SYNJ2: variants seen among roughly 807,000 people sequenced by gnomAD.
SYNJ2 encodes polyphosphatidylinositol phosphatase SYNJ2.
SYNJ2 carries 116 observed loss-of-function variants against 141.3 expected under a neutral mutation model. The observed-to-expected ratio is 0.82, with a 90% confidence interval of 0.71 to 0.96. The LOEUF (loss-of-function observed/expected upper bound fraction) is 0.96. Ranked by LOEUF, SYNJ2 falls within the 40% of genes least tolerant of loss-of-function variation. The probability of loss-of-function intolerance (pLI) is 0.00; values close to 1 mark genes in which losing one functional copy is unlikely to be tolerated. For synonymous variants in SYNJ2, 745 were observed against 777.7 expected (o/e 0.96, Z 0.70); for missense variants, 1,873 against 1,934.8 (o/e 0.97, Z 0.60).
At chr6:158,055,652 TTAATC>T (rs1780826947) in intron 6 of SYNJ2, among the ~76,000 whole-genome samples, 2 of 152,190 alleles carry the variant, frequency 1.3e-5, no homozygotes, top group African/African-American at 4.8e-5. Flanking sequence ...ATTTGCTTAT[TTAATC>T]TAAATACTCA....
intron 5 of SYNJ2, among the ~76,000 whole-genome samples, chr6:158,051,573 C>A (rs372126642): frequency 6.6e-6 from 1 of 151,934 alleles, no homozygotes; most frequent in East Asian, 1.9e-4. Context: ...AGCCAAGATA[C>A]CTCATTTTGC....
intron 4 of SYNJ2, among the ~76,000 whole-genome samples, chr6:158,041,809 GGT>G (rs1470812285): frequency 2.6e-5 from 4 of 152,208 alleles, no homozygotes; most frequent in Non-Finnish European, 5.9e-5. Flanking sequence ...CCTGGGCTCA[GGT>G]GATCTTCTTG....
chr6:158,052,533 G>A (rs917620629), intron 5 of SYNJ2, among the ~76,000 whole-genome samples: 2 of 152,224 alleles, frequency 1.3e-5, no homozygotes, highest in Admixed American at 1.3e-4. Context: ...TACAGTCATG[G>A]TGGAAGAGGA....
chr6:158,081,429 C>T lies in SYNJ2; in HGVS notation c.2787-3C>T. 1 of 1,613,896 alleles carries T rather than the reference C, an allele frequency of 6.2e-7. No homozygotes were observed. The highest frequency in any genetic ancestry group is 1.1e-5 in the South Asian group (1 of 91,054). On this transcript the variant is annotated splice_region_variant and splice_polypyrimidine_tract_variant and intron_variant, in intron 19 of 26. Coordinates refer to ENST00000355585, the MANE Select transcript of SYNJ2 (RefSeq NM_003898.4). ...CATTGACTTGGAGTATCATTTATTC[C>T]AGGATCAACCAAGGGCAGATGCTGG...
At chr6:158,055,172 C>A in intron 6 of SYNJ2, 144 bp downstream of exon 6, 2 of 782,484 alleles carry the variant, frequency 2.6e-6, no homozygotes, top group African/African-American at 1.8e-5. Flanking sequence ...GTCCTTTATG[C>A]AAGAAGGGAG....
At chr6:158,091,650 T>C (rs1219634939) in intron 25 of SYNJ2, among the ~76,000 whole-genome samples, 8 of 150,938 alleles carry the variant, frequency 5.3e-5, no homozygotes, top group Non-Finnish European at 1.2e-4. Context: ...CTCGGGAGGC[T>C]GAGGCAGAAG....
intron 16 of SYNJ2, among the ~76,000 whole-genome samples, chr6:158,075,076 C>T (rs7753838): frequency 0.71 from 107,178 of 151,446 alleles, 38,187 homozygotes; most frequent in East Asian, 0.88. Flanking sequence ...CGATTACAGG[C>T]GTGTGCCGCC....
In SYNJ2 at chr6:158,043,117, G is replaced by A. The variant is rs374896076; in HGVS notation, c.712-199G>A. On this transcript the variant is annotated intron_variant, in intron 4 of 26. Transcript: ENST00000355585. This position sits in a 1 kb window ranked among gnomAD's most constrained non-coding sequence, Gnocchi z 4.0. ...CAGACCCCCTCCTCAGAGGCTGGTC[G>A]ACAGCCAGCATGCCCGCCCAGTACC... Among the ~76,000 whole-genome samples the A allele has an allele frequency of 9.1e-4, 139 of 152,256 alleles. No individual in the cohort carries two copies. The highest frequency in any genetic ancestry group is 3.4e-3 in the Middle Eastern group (1 of 294).
At chr6:157,983,254 G>T (rs1290609600) in intron 1 of SYNJ2, among the ~76,000 whole-genome samples, 1 of 152,212 alleles carries the variant, frequency 6.6e-6, no homozygotes, top group Non-Finnish European at 1.5e-5. Flanking sequence ...TATCCAGCTT[G>T]TTCTCAGTCA....
intron 1 of SYNJ2, among the ~76,000 whole-genome samples, chr6:157,990,667 C>T (rs1728191378): frequency 6.6e-6 from 1 of 152,184 alleles, no homozygotes; most frequent in South Asian, 2.1e-4. Context: ...GCAAAATGGC[C>T]AAATTTAAGG....
chr6:157,991,466 G>A (rs10455935), intron 1 of SYNJ2, among the ~76,000 whole-genome samples: 77,082 of 151,938 alleles, frequency 0.51, 21,016 homozygotes, highest in African/African-American at 0.72. Flanking sequence ...AGCTTGGGAG[G>A]GAGGAGACCT....
intron 4 of SYNJ2, among the ~76,000 whole-genome samples, chr6:158,036,842 G>C (rs1779664135): frequency 1.3e-5 from 2 of 152,168 alleles, no homozygotes; most frequent in South Asian, 4.1e-4. Flanking sequence ...CCAGCTGGGT[G>C]GTTTTCTCTT....
At chr6:158,044,454 G>A (rs995176098) in intron 5 of SYNJ2, among the ~76,000 whole-genome samples, 1 of 152,180 alleles carries the variant, frequency 6.6e-6, no homozygotes, top group Admixed American at 6.5e-5. Flanking sequence ...CTCTGGTAGG[G>A]AGAAAAGTCT....
chr6:158,057,570 A>T (rs984599579), intron 6 of SYNJ2, among the ~76,000 whole-genome samples: 1 of 152,352 alleles, frequency 6.6e-6, no homozygotes, highest in Admixed American at 6.5e-5. Flanking sequence ...TCATTTGATC[A>T]GGGGAGTTTG....
At position 158,070,352 on chromosome 6, in the gene SYNJ2, G is replaced by T. The variant is rs1781842721; in HGVS notation, c.1940+679G>T. The T allele has an allele frequency of 2.0e-6, 2 of 985,492 alleles. No homozygotes were observed. The highest frequency in any genetic ancestry group is 2.4e-6 in the Non-Finnish European group (2 of 829,996). 61.0% of individuals were successfully genotyped at this position (985,492 alleles called of 1,614,324 possible). A position where few individuals can be genotyped will look rare whatever the true frequency, so the allele number is the denominator to read the frequency against. ...TGGGTCCCGGGAAGGGCCTGTGCCT[G>T]CCAAGAGCACCACGGGTACACCCCT... is the stretch of plus-strand genomic sequence containing the variant. On this transcript the variant is annotated intron_variant, in intron 14 of 26. Transcript: ENST00000355585. The surrounding 1 kb of genome is among the most constrained non-coding windows in gnomAD (Gnocchi z 4.0).
At chr6:158,056,016 A>C (rs1780849135) in intron 6 of SYNJ2, among the ~76,000 whole-genome samples, 1 of 152,196 alleles carries the variant, frequency 6.6e-6, no homozygotes, top group African/African-American at 2.4e-5. Context: ...ATGAAATTCT[A>C]CCTGGCTGAG....
chr6:157,989,908 T>TGGG (rs71542910), intron 1 of SYNJ2, among the ~76,000 whole-genome samples: 2,298 of 151,640 alleles, frequency 0.015, 115 homozygotes, highest in East Asian at 0.14. Context: ...TGGGCTTTTC[T>TGGG]GGGGGGGGCT....
intron 5 of SYNJ2, among the ~76,000 whole-genome samples, chr6:158,052,545 G>A (rs1292492062): frequency 1.3e-5 from 2 of 152,204 alleles, no homozygotes; most frequent in Non-Finnish European, 2.9e-5. Context: ...GGAAGAGGAA[G>A]GGGAGCCAGT....
chr6:158,058,242 C>T (rs1274956862), intron 6 of SYNJ2, among the ~76,000 whole-genome samples: 1 of 152,154 alleles, frequency 6.6e-6, no homozygotes, highest in African/African-American at 2.4e-5. Flanking sequence ...TATATTTAGG[C>T]ATAAAGATTG....
Sources: gnomAD v4.1 joint callset for allele counts (sites outside exome capture counted in the v4.1 genomes callset) on GRCh38, gnomAD v4.1.1 for gene constraint, Gnocchi (gnomAD v3.1) non-coding constraint, MANE v1.5 for transcripts, NCBI Gene and HGNC (gene_info 2026-07-23, HGNC 2026-07-21) for gene names.